The following SPTBN1 variants were observed in gnomAD, a reference collection of about 807,000 sequenced individuals.
SPTBN1 encodes spectrin beta chain, non-erythrocytic 1.
A neutral mutation model predicts 266.4 loss-of-function variants in SPTBN1; 32 were observed. The observed-to-expected ratio is 0.12, with a 90% CI of 0.09 to 0.16. SPTBN1 has a LOEUF of 0.16. SPTBN1 is among the 10% of genes least tolerant of loss of function. SPTBN1 has a pLI of 1.00. For synonymous variants in SPTBN1, 1,336 were observed against 1,162.2 expected (o/e 1.15, Z -3.04); for missense variants, 2,296 against 3,067.1 (o/e 0.75, Z 5.94).
chr2:54,477,834 C>T (rs113515104), intron 1 of SPTBN1, among the ~76,000 whole-genome samples: 4,710 of 152,038 alleles, frequency 0.031, 277 homozygotes, highest in African/African-American at 0.11. Context: ...TTGCTTGAAC[C>T]TGGGAGGCGG....
chr2:54,491,929 C>G (rs1668706647), intron 1 of SPTBN1, among the ~76,000 whole-genome samples: 1 of 152,078 alleles, frequency 6.6e-6, no homozygotes, highest in Non-Finnish European at 1.5e-5. Flanking sequence ...CCAAATTTTT[C>G]TATTAGGCTT....
intron 1 of SPTBN1, among the ~76,000 whole-genome samples, chr2:54,468,489 A>T (rs1399063187): frequency 6.6e-6 from 1 of 152,148 alleles, no homozygotes; most frequent in Non-Finnish European, 1.5e-5. Context: ...GAGTTTTGAC[A>T]GTCTCTATAA....
In SPTBN1 at chr2:54,647,190, G is replaced by A. The variant is rs764862001; in HGVS notation, c.4926G>A (p.Glu1642=). 1.2e-6 allele frequency: 2 copies of A among 1,614,186 alleles called. No homozygotes were observed. Among genetic ancestry groups the A allele is most frequent in the South Asian group, 1.1e-5 (1 of 91,082 alleles). The stretch of plus-strand genomic sequence containing the variant: ...ACCAGATCTTAGAACAAGCTGTGGA[G>A]GACTATGCAGAGACCGTGCATCAGC... ...KKHQILEQAV[E]DYAETVHQLS... Residue 1642 remains glutamate (E), a synonymous_variant, in exon 24 of 36, where the codon GAG becomes GAA. Transcript: ENST00000356805.
Position 54,659,467 on chromosome 2 carries a change from G to A in SPTBN1, c.6356+201G>A, listed in dbSNP as rs140474567. 2.0e-5 allele frequency among the ~76,000 whole-genome samples: 3 copies of A among 152,346 alleles called. No homozygotes were observed. In the East Asian group the frequency reaches 5.8e-4, roughly 29 times the overall value. On this transcript the variant is annotated intron_variant, in intron 31 of 35. Coordinates refer to ENST00000356805, the MANE Select transcript of SPTBN1 (RefSeq NM_003128.3). ...GATTTGTCCACAGTCACATAGGTAT[G>A]TAGGTGGCAGAAGTAGAATGTAGAC...
At chr2:54,659,391 T>C (rs1360629157) in intron 31 of SPTBN1, 125 bp downstream of exon 31, 1 of 914,406 alleles carries the variant, frequency 1.1e-6, no homozygotes, top group African/African-American at 1.6e-5. Context: ...ATTGCTTCCA[T>C]AGACTGTTTA....
chr2:54,543,521 G>A (rs1672057329), intron 2 of SPTBN1, among the ~76,000 whole-genome samples: 1 of 152,036 alleles, frequency 6.6e-6, no homozygotes, highest in South Asian at 2.1e-4. Context: ...TTTGTTTGCT[G>A]TGAAGTTTAG....
intron 1 of SPTBN1, among the ~76,000 whole-genome samples, chr2:54,479,739 C>T (rs1476615030): frequency 6.6e-6 from 1 of 152,190 alleles, no homozygotes; most frequent in Non-Finnish European, 1.5e-5. Flanking sequence ...TTGTTTGGCA[C>T]ATAGCTATTC....
At chr2:54,486,388 C>G (rs888339098) in intron 1 of SPTBN1, among the ~76,000 whole-genome samples, 1 of 152,136 alleles carries the variant, frequency 6.6e-6, no homozygotes, top group Non-Finnish European at 1.5e-5. Flanking sequence ...AAAAATTCTT[C>G]TGCCTTGGGA....
chr2:54,619,222 G>C (rs971859252), intron 7 of SPTBN1, among the ~76,000 whole-genome samples: 4 of 152,204 alleles, frequency 2.6e-5, no homozygotes, highest in African/African-American at 9.7e-5. Flanking sequence ...CAATGCATCA[G>C]ATTCACTGAT....
chr2:54,671,391 C>T lies in SPTBN1; in HGVS notation c.*2822C>T. Reference sequence around the variant, plus strand: ...TGTATGGGGATCCTATGTTAGTTCCCCTGGATACATTGTTTTATCAGTCGG... The same window carrying T: ...TGTATGGGGATCCTATGTTAGTTCCTCTGGATACATTGTTTTATCAGTCGG... On this transcript the variant is annotated 3_prime_UTR_variant, in exon 36 of 36. Transcript: ENST00000356805. The T allele has an allele frequency of 6.6e-6, 1 of 152,116 alleles. No homozygotes were observed. The highest frequency in any genetic ancestry group is 1.9e-4 in the East Asian group (1 of 5,202). 9.4% of individuals were successfully genotyped at this position (152,116 alleles called of 1,614,324 possible). A position where few individuals can be genotyped will look rare whatever the true frequency, so the allele number is the denominator to read the frequency against.
At chr2:54,500,755 C>G (rs756190987) in intron 1 of SPTBN1, among the ~76,000 whole-genome samples, 3 of 152,152 alleles carry the variant, frequency 2.0e-5, no homozygotes, top group African/African-American at 4.8e-5. Context: ...CCAAGGTGGT[C>G]TCAAACTCCT....
intron 1 of SPTBN1, among the ~76,000 whole-genome samples, chr2:54,484,830 G>C (rs1246357166): frequency 6.6e-6 from 1 of 152,174 alleles, no homozygotes; most frequent in Non-Finnish European, 1.5e-5. Flanking sequence ...TCAAGCACCA[G>C]AATACGTTTA....
intron 17 of SPTBN1, among the ~76,000 whole-genome samples, chr2:54,635,572 A>G (rs1444365449): frequency 2.0e-5 from 3 of 152,248 alleles, no homozygotes; most frequent in African/African-American, 7.2e-5. Flanking sequence ...CTGTATGGTC[A>G]TATTTCTCCC....
intron 2 of SPTBN1, among the ~76,000 whole-genome samples, chr2:54,557,355 T>C (rs1386914788): frequency 2.7e-5 from 4 of 148,838 alleles, no homozygotes; most frequent in African/African-American, 1.0e-4. Flanking sequence ...ATGCCAAAAG[T>C]GTAATTTGTT....
intron 2 of SPTBN1, among the ~76,000 whole-genome samples, chr2:54,591,159 A>G (rs1446295731): frequency 6.6e-6 from 1 of 152,206 alleles, no homozygotes; most frequent in African/African-American, 2.4e-5. Flanking sequence ...CATTGAGGGT[A>G]AGAGACTTTA....
intron 1 of SPTBN1, among the ~76,000 whole-genome samples, chr2:54,467,018 GACAGAA>G (rs966948677): frequency 1.3e-4 from 20 of 152,116 alleles, no homozygotes; most frequent in African/African-American, 4.8e-4. Context: ...GAGAGCGCCT[GACAGAA>G]ACATTGTCCA....
At chr2:54,501,842 A>T (rs1217448666) in intron 1 of SPTBN1, among the ~76,000 whole-genome samples, 1 of 152,194 alleles carries the variant, frequency 6.6e-6, no homozygotes, top group African/African-American at 2.4e-5. Flanking sequence ...AGTTGTGAGA[A>T]GTGGGAGCTA....
intron 1 of SPTBN1, among the ~76,000 whole-genome samples, chr2:54,467,094 C>T (rs1315498226): frequency 2.6e-5 from 4 of 151,956 alleles, no homozygotes; most frequent in East Asian, 1.9e-4. Flanking sequence ...CGTTTCCCTA[C>T]AGTACTCTTG....
chr2:54,456,805 C>T (rs577825674), intron 1 of SPTBN1, among the ~76,000 whole-genome samples: 61 of 151,184 alleles, frequency 4.0e-4, no homozygotes, highest in Non-Finnish European at 7.4e-4. Context: ...CCGTGCGCAC[C>T]GCTGCCGTCC....
Sources: allele counts gnomAD v4.1 joint callset (sites outside exome capture counted in the v4.1 genomes callset), GRCh38; gene constraint gnomAD v4.1.1; transcripts MANE v1.5; gene names NCBI Gene and HGNC (gene_info 2026-07-23, HGNC 2026-07-21).